The following SHROOM3 variants were observed in gnomAD, a reference collection of about 807,000 sequenced individuals.
SHROOM3 encodes the protein protein Shroom3.
SHROOM3 carries 47 observed loss-of-function variants against 138.6 expected under a neutral mutation model. That is an observed-to-expected ratio of 0.34 (90% CI 0.27 to 0.43). The LOEUF (loss-of-function observed/expected upper bound fraction) is 0.43, where lower values mean the gene tolerates loss of function less well. Among genes scored for constraint, SHROOM3 ranks in the 20% least tolerant of loss-of-function variants. The probability of loss-of-function intolerance (pLI) is 1.00; values close to 1 mark genes in which losing one functional copy is unlikely to be tolerated. For synonymous variants in SHROOM3, 1,062 were observed against 1,063.3 expected (o/e 1.00, Z 0.02); for missense variants, 2,491 against 2,596.5 (o/e 0.96, Z 0.88).
At chr4:76,676,944 C>CAAAAAAAAAAAAAAA (rs58270392) in intron 2 of SHROOM3, among the ~76,000 whole-genome samples, 27 of 79,046 alleles carry the variant, frequency 3.4e-4, no homozygotes, top group African/African-American at 1.5e-3. Flanking sequence ...CTCCGTCTCA[C>CAAAAAAAAAAAAAAA]AAAAAAAAAA....
chr4:76,651,038 A>G (rs555082676), intron 2 of SHROOM3, among the ~76,000 whole-genome samples: 2 of 152,294 alleles, frequency 1.3e-5, no homozygotes, highest in East Asian at 3.9e-4. Flanking sequence ...CAGAAAGACA[A>G]ACATTGCATG....
Position 76,523,871 on chromosome 4 carries a change from G to A in SHROOM3, c.169-31738G>A, listed in dbSNP as rs532999750. Among the ~76,000 whole-genome samples, 40 of 152,352 alleles carry A rather than the reference G, an allele frequency of 2.6e-4. No individual in the cohort carries two copies. In the South Asian group the frequency reaches 7.7e-3, roughly 29 times the overall value. ...TAGTTGGAACAAGGGGCGTGTGTGT[G>A]TGACAATGGTGGTGCCGAGGCTGGA... On this transcript the variant is annotated intron_variant, in intron 1 of 10. Transcript: ENST00000296043.
At chr4:76,614,994 G>A (rs1734842636) in intron 2 of SHROOM3, among the ~76,000 whole-genome samples, 1 of 152,140 alleles carries the variant, frequency 6.6e-6, no homozygotes, top group South Asian at 2.1e-4. Context: ...GCTATGATTT[G>A]TGCCATTCTG....
intron 2 of SHROOM3, among the ~76,000 whole-genome samples, chr4:76,556,708 T>C (rs1733490631): frequency 6.6e-6 from 1 of 152,234 alleles, no homozygotes; most frequent in Non-Finnish European, 1.5e-5. Context: ...TCAGGAGTCA[T>C]CAATGAAGCC....
chr4:76,481,395 C>T (rs140100212), intron 1 of SHROOM3, among the ~76,000 whole-genome samples: 7,343 of 152,116 alleles, frequency 0.048, 206 homozygotes, highest in Middle Eastern at 0.075. Flanking sequence ...TGGATAAATT[C>T]CTGGACACAT....
chr4:76,649,088 T>C (rs1735898901), intron 2 of SHROOM3, among the ~76,000 whole-genome samples: 1 of 152,078 alleles, frequency 6.6e-6, no homozygotes, highest in Admixed American at 6.5e-5. Context: ...ATGCTGAAAA[T>C]GTAATCACAT....
At chr4:76,767,250 T>G (rs1176776343) in intron 9 of SHROOM3, among the ~76,000 whole-genome samples, 1 of 152,174 alleles carries the variant, frequency 6.6e-6, no homozygotes, top group African/African-American at 2.4e-5. Context: ...AGAGAGCTGT[T>G]GACCTGAGTT....
At chr4:76,762,749 ACT>A (rs1451806641) in intron 9 of SHROOM3, among the ~76,000 whole-genome samples, 1 of 152,194 alleles carries the variant, frequency 6.6e-6, no homozygotes, top group African/African-American at 2.4e-5. Context: ...TGAATAAGAC[ACT>A]GTGTCTGCTT....
chr4:76,671,223 G>A (rs1279262219), intron 2 of SHROOM3, among the ~76,000 whole-genome samples: 1 of 152,190 alleles, frequency 6.6e-6, no homozygotes, highest in African/African-American at 2.4e-5. Flanking sequence ...TCACCTCCAG[G>A]TGTACTCCCA....
chr4:76,693,034 GA>G (rs780585828), intron 2 of SHROOM3, among the ~76,000 whole-genome samples: 3 of 152,184 alleles, frequency 2.0e-5, no homozygotes, highest in South Asian at 2.1e-4. Flanking sequence ...AGTTACACAA[GA>G]GTATACATCC....
At chr4:76,489,039 G>GGAA (rs1731795201) in intron 1 of SHROOM3, among the ~76,000 whole-genome samples, 1 of 152,194 alleles carries the variant, frequency 6.6e-6, no homozygotes, top group Non-Finnish European at 1.5e-5. Context: ...TGCCTAGCCA[G>GGAA]GGCTCTGGAG....
chr4:76,641,212 C>A (rs903637114), intron 2 of SHROOM3, among the ~76,000 whole-genome samples: 28 of 152,300 alleles, frequency 1.8e-4, no homozygotes, highest in African/African-American at 6.5e-4. Context: ...CCATAATATT[C>A]AGCTTTGTAA....
intron 2 of SHROOM3, chr4:76,586,261 C>T (rs1215922811): frequency 3.0e-6 from 3 of 985,542 alleles, no homozygotes; most frequent in Non-Finnish European, 3.6e-6. Context: ...GGAGGTGCGT[C>T]TGTGGTGTCA....
intron 1 of SHROOM3, among the ~76,000 whole-genome samples, chr4:76,535,934 TGCGGA>T (rs1732944662): frequency 6.6e-6 from 1 of 152,094 alleles, no homozygotes; most frequent in South Asian, 2.1e-4. Flanking sequence ...GAGGAAGAAA[TGCGGA>T]GCTGATAATT....
Position 76,738,771 on chromosome 4 carries a change from A to G in SHROOM3, c.598A>G (p.Ser200Gly), listed in dbSNP as rs1384193495. The G allele has an allele frequency of 6.8e-6, 11 of 1,614,054 alleles. No individual in the cohort carries two copies. The highest frequency in any genetic ancestry group is 9.3e-6 in the Non-Finnish European group (11 of 1,180,044). ...TTGTCTTTCTTCCAGCTCCTCTACT[A>G]GTGACCTCTCCAACTATGACCATGC... ...HQSYHSSSST[S>G]DLSNYDHAYL... is the part of the protein sequence containing the mutation. The change falls in exon 5 of 11, where the codon AGT becomes GGT. Residue 200 changes from serine (S) to glycine (G), a missense_variant. Transcript: ENST00000296043.
chr4:76,477,204 T>C (rs1731503301), intron 1 of SHROOM3, among the ~76,000 whole-genome samples: 2 of 151,958 alleles, frequency 1.3e-5, no homozygotes, highest in Non-Finnish European at 2.9e-5. Context: ...TCTGACCTCG[T>C]GATCCACCCC....
intron 10 of SHROOM3, among the ~76,000 whole-genome samples, chr4:76,772,136 C>T (rs758665513): frequency 7.0e-6 from 1 of 142,608 alleles, no homozygotes; most frequent in Non-Finnish European, 1.5e-5. Context: ...CAGAGTCTCA[C>T]TCCGTCACCC....
At chr4:76,726,445 T>C (rs545195046) in intron 3 of SHROOM3, among the ~76,000 whole-genome samples, 8 of 148,336 alleles carry the variant, frequency 5.4e-5, no homozygotes, top group Non-Finnish European at 8.9e-5. Context: ...CCTTCTCCAC[T>C]GAAAGTCCCA....
chr4:76,449,800 T>C (rs1025860934), intron 1 of SHROOM3, among the ~76,000 whole-genome samples: 10 of 152,348 alleles, frequency 6.6e-5, no homozygotes, highest in African/African-American at 2.4e-4. Context: ...AGTCCTCTCT[T>C]TTCTAAATTC....
Sources: allele counts gnomAD v4.1 joint callset (sites outside exome capture counted in the v4.1 genomes callset), GRCh38; gene constraint gnomAD v4.1.1; transcripts MANE v1.5; gene names NCBI Gene and HGNC (gene_info 2026-07-23, HGNC 2026-07-21).